Variants in ANO4 observed in about 807,000 individuals in gnomAD.
The protein encoded by ANO4 is anoctamin-4.
Under a neutral mutation model 141.9 loss-of-function variants are expected in ANO4, and 69 were observed. That is an observed-to-expected ratio of 0.49 (90% CI 0.40 to 0.59). The LOEUF is 0.59. Among genes scored for constraint, ANO4 ranks in the 20% least tolerant of loss-of-function variants. ANO4 has a pLI of 0.00. For missense variants in ANO4, 894 were observed against 1,162.2 expected (o/e 0.77, Z 3.36); for synonymous variants, 350 against 394.3 (o/e 0.89, Z 1.33).
intron 1 of ANO4, among the ~76,000 whole-genome samples, chr12:100,868,729 C>G (rs1478967084): frequency 6.6e-6 from 1 of 152,152 alleles, no homozygotes; most frequent in Non-Finnish European, 1.5e-5. Context: ...ATGGCTGTTG[C>G]TCATCCTAGG....
intron 1 of ANO4, among the ~76,000 whole-genome samples, chr12:100,847,960 A>G (rs1011376886): frequency 4.6e-5 from 7 of 152,190 alleles, no homozygotes; most frequent in African/African-American, 1.4e-4. Flanking sequence ...TTGAGATTGT[A>G]TGTGCTGTAT....
At chr12:100,991,641 C>A (rs2045113909) in intron 8 of ANO4, among the ~76,000 whole-genome samples, 1 of 151,558 alleles carries the variant, frequency 6.6e-6, no homozygotes, top group Non-Finnish European at 1.5e-5. Flanking sequence ...GAGATGTACT[C>A]ATCTATGTTT....
chr12:100,762,930 A>G (rs987663123), intron 3 of ANO4, among the ~76,000 whole-genome samples: 3 of 152,162 alleles, frequency 2.0e-5, no homozygotes, highest in African/African-American at 7.2e-5. Context: ...TGAATGAATC[A>G]TTTATTCCAC....
chr12:100,983,883 A>C (rs2136319741), intron 7 of ANO4, among the ~76,000 whole-genome samples: 1 of 152,252 alleles, frequency 6.6e-6, no homozygotes, highest in Non-Finnish European at 1.5e-5. Context: ...TGGTGTGTAC[A>C]TCTTTGTGGG....
At position 100,942,570 on chromosome 12, in the gene ANO4, A is replaced by G; in HGVS notation, c.456+35A>G. ...TTGCTTGGATGAGAAAAAAATATAT[A>G]CATATCTATTCATATGAAGAGGCAA... On this transcript the variant is annotated intron_variant, in intron 5 of 27. Coordinates refer to ENST00000392977, the MANE Select transcript of ANO4 (RefSeq NM_001286615.2). The G allele has an allele frequency of 1.9e-6, 3 of 1,596,124 alleles. No individual in the cohort carries two copies. In the South Asian group the frequency reaches 3.4e-5, roughly 18 times the overall value.
chr12:101,036,901 A>T (rs1301371897), intron 9 of ANO4, among the ~76,000 whole-genome samples, 194 bp from the exon 10 acceptor site: 1 of 152,102 alleles, frequency 6.6e-6, no homozygotes, highest in Non-Finnish European at 1.5e-5. Context: ...CAAATATTTT[A>T]ATTTTTTTAG....
intron 8 of ANO4, among the ~76,000 whole-genome samples, chr12:100,994,361 C>G (rs7138146): frequency 0.28 from 42,255 of 152,148 alleles, 6,424 homozygotes; most frequent in Non-Finnish European, 0.35. Context: ...CATTGCCCTT[C>G]ATTCTTAAAA....
At chr12:101,076,887 C>G (rs2049044183) in intron 14 of ANO4, among the ~76,000 whole-genome samples, 1 of 152,156 alleles carries the variant, frequency 6.6e-6, no homozygotes, top group Admixed American at 6.5e-5. Context: ...CCCAGGGACT[C>G]TGTGCAAAGA....
intron 2 of ANO4, among the ~76,000 whole-genome samples, chr12:100,736,512 A>T (rs1302328951): frequency 1.3e-5 from 2 of 152,118 alleles, no homozygotes; most frequent in African/African-American, 4.8e-5. Context: ...GTTACCTGAC[A>T]TCTTGCAGAC....
At chr12:101,102,952 C>T (rs990460115) in intron 22 of ANO4, among the ~76,000 whole-genome samples, 7 of 151,118 alleles carry the variant, frequency 4.6e-5, no homozygotes, top group Non-Finnish European at 5.9e-5. Flanking sequence ...TTTCTAGGCA[C>T]CTTAGGAATC....
At chr12:100,737,832 T>A (rs1236258290) in intron 2 of ANO4, among the ~76,000 whole-genome samples, 1 of 152,194 alleles carries the variant, frequency 6.6e-6, no homozygotes, top group Admixed American at 6.5e-5. Flanking sequence ...GTCCTTCTCT[T>A]ACAGAATAGT....
chr12:100,917,293 T>TA (rs2041388623), intron 2 of ANO4, among the ~76,000 whole-genome samples: 1 of 152,202 alleles, frequency 6.6e-6, no homozygotes, highest in South Asian at 2.1e-4. Context: ...AATTGCATGT[T>TA]AATTACTGAT....
intron 7 of ANO4, among the ~76,000 whole-genome samples, chr12:100,985,663 T>C (rs919152878): frequency 1.1e-4 from 16 of 152,148 alleles, no homozygotes; most frequent in African/African-American, 3.6e-4. Context: ...GAGGGTTCTC[T>C]TGGGGAGGAG....
chr12:100,936,409 A>G (rs2042289796), intron 3 of ANO4, among the ~76,000 whole-genome samples: 1 of 152,148 alleles, frequency 6.6e-6, no homozygotes, highest in Admixed American at 6.5e-5. Context: ...CAATAAATAT[A>G]TCTCCAAACA....
intron 2 of ANO4, among the ~76,000 whole-genome samples, chr12:100,738,446 C>T (rs1422088926): frequency 6.6e-6 from 1 of 152,040 alleles, no homozygotes; most frequent in Non-Finnish European, 1.5e-5. Flanking sequence ...CTAATGAACT[C>T]CATTTTCAGA....
intron 1 of ANO4, among the ~76,000 whole-genome samples, chr12:100,815,443 C>A (rs2035679747): frequency 6.6e-6 from 1 of 152,086 alleles, no homozygotes; most frequent in Non-Finnish European, 1.5e-5. Context: ...CATCTATGAT[C>A]TAGCTAGAGA....
intron 1 of ANO4, among the ~76,000 whole-genome samples, chr12:100,863,974 C>A (rs546139172): frequency 6.6e-6 from 1 of 152,130 alleles, no homozygotes; most frequent in Non-Finnish European, 1.5e-5. Context: ...CCAGGGAGCT[C>A]GAACAGTGTC....
At chr12:100,910,275 A>G (rs1302185117) in intron 2 of ANO4, among the ~76,000 whole-genome samples, 2 of 152,186 alleles carry the variant, frequency 1.3e-5, no homozygotes, top group Non-Finnish European at 2.9e-5. Flanking sequence ...CAGAACCCTG[A>G]AAGTACCTAT....
intron 3 of ANO4, among the ~76,000 whole-genome samples, chr12:100,776,225 G>T (rs887305934): frequency 6.6e-6 from 1 of 152,188 alleles, no homozygotes; most frequent in African/African-American, 2.4e-5. Context: ...AGGCAGTCTG[G>T]CTTCACGCTT....
Sources: allele counts gnomAD v4.1 joint callset (sites outside exome capture counted in the v4.1 genomes callset), GRCh38; gene constraint gnomAD v4.1.1; transcripts MANE v1.5; gene names NCBI Gene and HGNC (gene_info 2026-07-23, HGNC 2026-07-21).